Variants in PRICKLE2 observed in about 807,000 individuals in gnomAD.
The protein encoded by PRICKLE2 is prickle planar cell polarity protein 2, also known as prickle-like protein 2.
In PRICKLE2, 21 loss-of-function variants were observed where a neutral mutation model predicts 81.4. The observed-to-expected ratio is 0.26, with a 90% CI of 0.18 to 0.37. The LOEUF is 0.37. Among genes scored for constraint, PRICKLE2 ranks in the 10% least tolerant of loss-of-function variants. PRICKLE2 has a pLI of 1.00. For missense variants in PRICKLE2, 940 were observed against 1,109.0 expected, an observed-to-expected ratio of 0.85 and a Z score of 2.16; for synonymous variants, 456 against 421.5, an observed-to-expected ratio of 1.08 and a Z score of -1.00.
chr3:64,147,015 C>T lies in PRICKLE2; in HGVS notation c.1475G>A (p.Ser492Asn). Residue 492 changes from serine to asparagine, a missense_variant, in exon 7 of 8, where the codon AGT becomes AAT. By Grantham distance (46) the Ser-to-Asn change is conservative. This residue lies in a region of PRICKLE2 where 670 missense variants were observed against 717.2 expected (regional missense o/e 0.93). Transcript: ENST00000638394. This position sits in a 1 kb window ranked among gnomAD's most constrained non-coding sequence, Gnocchi z 5.0. Reference sequence around the variant, plus strand: ...GACTTGGATGCTGCCTCGGGTCTCACTGAAACTCTGACTAGACATATCACT... The same window carrying T: ...GACTTGGATGCTGCCTCGGGTCTCATTGAAACTCTGACTAGACATATCACT... ...SYSDMSSQSF[S>N]ETRGSIQVPK... 1.2e-6 allele frequency: 2 copies of T among 1,614,162 alleles called. No homozygotes were observed. Among genetic ancestry groups the T allele is most frequent in the Non-Finnish European group, 8.5e-7 (1 of 1,180,038 alleles).
intron 5 of PRICKLE2, chr3:64,154,931 A>G (rs2077605531): frequency 6.6e-6 from 1 of 152,008 alleles, no homozygotes; most frequent in Non-Finnish European, 1.5e-5. Context: ...TGTGGATCAC[A>G]TGAGGCCAGA....
At chr3:64,112,980 G>T (rs975146002) in intron 7 of PRICKLE2, among the ~76,000 whole-genome samples, 3 of 152,096 alleles carry the variant, frequency 2.0e-5, no homozygotes, top group Middle Eastern at 3.2e-3. Context: ...TAGAAATCTG[G>T]GAACCCTGCA....
At chr3:64,161,788 T>C (rs2077738809) in intron 3 of PRICKLE2, among the ~76,000 whole-genome samples, 1 of 148,144 alleles carries the variant, frequency 6.8e-6, no homozygotes, top group Non-Finnish European at 1.5e-5. Flanking sequence ...CAGCCCAGAA[T>C]ATATGGTTAC....
intron 2 of PRICKLE2, among the ~76,000 whole-genome samples, chr3:64,192,069 GGAATC>G (rs1294821830): frequency 1.3e-5 from 2 of 152,190 alleles, no homozygotes; most frequent in Admixed American, 6.5e-5. Context: ...GATGTTCAGG[GGAATC>G]TGCTTAGAAT....
chr3:64,104,159 C>T (rs1031047286), intron 7 of PRICKLE2, among the ~76,000 whole-genome samples: 3 of 152,182 alleles, frequency 2.0e-5, no homozygotes, highest in Non-Finnish European at 4.4e-5. Flanking sequence ...GGCCTCCAAT[C>T]GCTTGCTTAC....
chr3:64,158,373 T>TG (rs557448298), intron 4 of PRICKLE2, among the ~76,000 whole-genome samples: 100 of 152,348 alleles, frequency 6.6e-4, no homozygotes, highest in Admixed American at 2.2e-3. Context: ...AAAGGCATCA[T>TG]GTTATCCTTA....
chr3:64,172,384 G>A (rs2077947250), intron 2 of PRICKLE2, among the ~76,000 whole-genome samples: 1 of 152,226 alleles, frequency 6.6e-6, no homozygotes, highest in Non-Finnish European at 1.5e-5. Flanking sequence ...ACATAAGTAT[G>A]AAAAAAGAAG....
At chr3:64,199,020 T>C (rs369110568) in intron 1 of PRICKLE2, 53 bp from the exon 2 acceptor site, 48 of 1,517,994 alleles carry the variant, frequency 3.2e-5, no homozygotes, top group Middle Eastern at 1.8e-4. Flanking sequence ...TTTTTTTTTT[T>C]CCAAGAGCCT....
intron 7 of PRICKLE2, among the ~76,000 whole-genome samples, chr3:64,114,690 G>C (rs2076906924): frequency 6.6e-6 from 1 of 151,350 alleles, no homozygotes; most frequent in Non-Finnish European, 1.5e-5. Flanking sequence ...GAATGAAAAG[G>C]AATAAACAAA....
intron 2 of PRICKLE2, among the ~76,000 whole-genome samples, chr3:64,252,553 T>C (rs180951960): frequency 9.8e-5 from 15 of 152,336 alleles, no homozygotes; most frequent in Non-Finnish European, 2.2e-4. Context: ...ATTGGTTATT[T>C]ATGGTCAATA....
At chr3:64,121,645 T>C (rs2077029681) in intron 7 of PRICKLE2, among the ~76,000 whole-genome samples, 1 of 152,216 alleles carries the variant, frequency 6.6e-6, no homozygotes, top group Admixed American at 6.5e-5. Context: ...AAAATATTCC[T>C]TATCTTGATG....
rs776959940 is a variant in PRICKLE2 at position 64,147,089 on chromosome 3, T to G, written c.1401A>C (p.Glu467Asp). The part of the protein sequence containing the change: ...MTGHAGSFIK[E>D]CREDYYPGRL... ...TCCCCGGGTAATAGTCTTCTCGGCA[T>G]TCCTTGATGAAGCTGCCAGCATGTC... is the stretch of plus-strand genomic sequence containing the variant. The change falls in exon 7 of 8, where the codon GAA (glutamate) becomes GAC (aspartate). Residue 467 changes from glutamate (E) to aspartate (D), a missense_variant. By Grantham distance (45) the Glu-to-Asp change is conservative. Transcript: ENST00000638394. This position sits in a 1 kb window ranked among gnomAD's most constrained non-coding sequence, Gnocchi z 5.0. 1.9e-6 allele frequency: 3 copies of G among 1,614,134 alleles called. No homozygotes were observed. In the East Asian group the frequency reaches 6.7e-5, roughly 36 times the overall value.
chr3:64,208,113 A>T (rs2078722146), intron 1 of PRICKLE2, among the ~76,000 whole-genome samples: 1 of 152,178 alleles, frequency 6.6e-6, no homozygotes, highest in African/African-American at 2.4e-5. Flanking sequence ...GGAGGGAATT[A>T]GGTGTCTGGG....
chr3:64,146,595 T>G (rs2080665), intron 7 of PRICKLE2: 61,819 of 493,244 alleles, frequency 0.13, 4,832 homozygotes, highest in East Asian at 0.32. Flanking sequence ...ACAAAAAAAT[T>G]AGCCAGGCAT....
At chr3:64,106,876 C>G (rs1559511262) in intron 7 of PRICKLE2, among the ~76,000 whole-genome samples, 2 of 152,146 alleles carry the variant, frequency 1.3e-5, no homozygotes, top group East Asian at 3.9e-4. Context: ...GTATCAGTAC[C>G]CCTACATCCT....
intron 2 of PRICKLE2, among the ~76,000 whole-genome samples, chr3:64,247,218 T>C (rs1312919352): frequency 1.3e-5 from 2 of 152,068 alleles, no homozygotes; most frequent in Non-Finnish European, 2.9e-5. Flanking sequence ...TAATTATATA[T>C]ATCATACTTT....
rs1176601956 is a variant in PRICKLE2, at chr3:64,095,270, GTGAAT to G, written c.*3776_*3780del. The stretch of plus-strand genomic sequence containing the variant: ...ACAACCTGGGATGGGGGAGGGGCAG[GTGAAT>G]TGGAGTCTCCGAATTACTTATACAT... On this transcript the variant is annotated 3_prime_UTR_variant, in exon 8 of 8. Coordinates refer to ENST00000638394, the MANE Select transcript of PRICKLE2 (RefSeq NM_198859.4). 1 of 152,134 alleles carries G rather than the reference GTGAAT, an allele frequency of 6.6e-6. No individual in the cohort carries two copies. The highest frequency in any genetic ancestry group is 1.9e-4 in the East Asian group (1 of 5,194). The allele number at this position is 152,134 out of a possible 1,614,324, so 9.4% of individuals were successfully genotyped here.
chr3:64,098,970 G>C lies in PRICKLE2; in HGVS notation c.*81C>G. ...TCCCCCATAAGCCACCCCCAAAAGC[G>C]CTTTAACATTTAAAACAGTGCAAGT... On this transcript the variant is annotated 3_prime_UTR_variant, in exon 8 of 8. Transcript: ENST00000638394. 1 of 1,555,216 alleles carries C rather than the reference G, an allele frequency of 6.4e-7. No individual in the cohort carries two copies.
At chr3:64,243,944 T>C (rs755426592) in intron 2 of PRICKLE2, among the ~76,000 whole-genome samples, 4 of 152,182 alleles carry the variant, frequency 2.6e-5, no homozygotes, top group Non-Finnish European at 4.4e-5. Context: ...ATTTCTGTAC[T>C]ACCCATGCTC....
Sources: allele counts gnomAD v4.1 joint callset (sites outside exome capture counted in the v4.1 genomes callset), GRCh38; gene constraint gnomAD v4.1.1; regional missense constraint gnomAD v4.1.1; non-coding constraint Gnocchi (gnomAD v3.1); transcripts MANE v1.5; gene names NCBI Gene and HGNC (gene_info 2026-07-23, HGNC 2026-07-21).